Variants in FUT8 observed in about 807,000 individuals in gnomAD.
FUT8 encodes the protein fucosyltransferase 8.
A neutral mutation model predicts 71.3 loss-of-function variants in FUT8; 29 were observed. That is an observed-to-expected ratio of 0.41 (90% CI 0.30 to 0.55). FUT8 has a LOEUF of 0.55. Among genes scored for constraint, FUT8 ranks in the 20% least tolerant of loss-of-function variants. The pLI is 0.34. For missense variants in FUT8, 544 were observed against 702.1 expected (o/e 0.77, Z 2.55); for synonymous variants, 254 against 239.3 (o/e 1.06, Z -0.57).
chr14:65,637,142 T>C (rs923448833), intron 6 of FUT8, among the ~76,000 whole-genome samples: 1 of 152,248 alleles, frequency 6.6e-6, no homozygotes, highest in African/African-American at 2.4e-5. Context: ...CTATTGTTTC[T>C]ATTTCTGTAG....
intron 1 of FUT8, among the ~76,000 whole-genome samples, chr14:65,421,219 A>T (rs538595506): frequency 6.7e-6 from 1 of 149,518 alleles, no homozygotes; most frequent in African/African-American, 2.5e-5. Context: ...AAAAAAAATC[A>T]TAAGGAAGAG....
chr14:65,504,450 A>G (rs2066693759), intron 2 of FUT8, among the ~76,000 whole-genome samples: 1 of 152,182 alleles, frequency 6.6e-6, no homozygotes, highest in Non-Finnish European at 1.5e-5. Flanking sequence ...AACAGCTAAT[A>G]ATTTTAGTGA....
intron 6 of FUT8, among the ~76,000 whole-genome samples, chr14:65,655,861 G>A (rs909268032): frequency 2.0e-5 from 3 of 152,062 alleles, no homozygotes; most frequent in South Asian, 2.1e-4. Flanking sequence ...GACAAAAACC[G>A]TATGATCATT....
At chr14:65,456,444 T>C (rs2065894648) in intron 2 of FUT8, among the ~76,000 whole-genome samples, 1 of 152,240 alleles carries the variant, frequency 6.6e-6, no homozygotes, top group South Asian at 2.1e-4. Flanking sequence ...TTTTTATTGC[T>C]GAGTAGTGTT....
At chr14:65,450,868 ATT>A (rs1232558695) in intron 1 of FUT8, among the ~76,000 whole-genome samples, 6 of 135,724 alleles carry the variant, frequency 4.4e-5, no homozygotes, top group Admixed American at 7.4e-5. Flanking sequence ...CTTCCACCCT[ATT>A]TTTTTTTTTT....
At chr14:65,578,679 A>G (rs1431215929) in intron 3 of FUT8, among the ~76,000 whole-genome samples, 1 of 152,186 alleles carries the variant, frequency 6.6e-6, no homozygotes, top group Non-Finnish European at 1.5e-5. Flanking sequence ...TTTAGATAAC[A>G]TAATGAAATA....
chr14:65,524,510 C>A (rs1022602846), intron 2 of FUT8, among the ~76,000 whole-genome samples: 4 of 152,164 alleles, frequency 2.6e-5, no homozygotes, highest in African/African-American at 7.2e-5. Context: ...ACAATCATGT[C>A]ATCTGCAAAC....
chr14:65,733,460 T>A (rs1896072125), intron 10 of FUT8, 79 bp downstream of exon 10: 6 of 1,042,876 alleles, frequency 5.8e-6, no homozygotes. Context: ...TGTGTGTCTA[T>A]GTGTTGTTAA....
At chr14:65,617,998 T>A (rs1368779547) in intron 5 of FUT8, among the ~76,000 whole-genome samples, 3 of 139,296 alleles carry the variant, frequency 2.2e-5, no homozygotes, top group Admixed American at 7.5e-5. Context: ...CCAGTGTTTT[T>A]AAAAATTAAT....
chr14:65,670,947 C>T (rs1892447317), intron 7 of FUT8, among the ~76,000 whole-genome samples: 1 of 152,066 alleles, frequency 6.6e-6, no homozygotes. Flanking sequence ...TATCTAGAAC[C>T]TAGTTAAGCT....
intron 7 of FUT8, 82 bp from the exon 8 acceptor site, chr14:65,721,693 A>T (rs1895424233): frequency 7.4e-6 from 10 of 1,349,258 alleles, no homozygotes; most frequent in Non-Finnish European, 1.1e-5. Flanking sequence ...TGAGGATGAA[A>T]GCACTCAGAA....
chr14:65,386,618 A>G, the FUT8 span, among the ~76,000 whole-genome samples: 3 of 151,694 alleles, frequency 2.0e-5, no homozygotes, highest in Non-Finnish European at 4.4e-5. Flanking sequence ...CATATGGAAC[A>G]TAGTTATGAT....
At chr14:65,740,704 G>A (rs772211250) in intron 10 of FUT8, among the ~76,000 whole-genome samples, 16 of 152,034 alleles carry the variant, frequency 1.1e-4, no homozygotes, top group Non-Finnish European at 1.9e-4. Flanking sequence ...TAAACAATCA[G>A]ATCTCACGAG....
chr14:65,397,072 A>G, the FUT8 span, among the ~76,000 whole-genome samples: 1 of 152,186 alleles, frequency 6.6e-6, no homozygotes, highest in Non-Finnish European at 1.5e-5. The surrounding 1 kb of genome is among the most constrained non-coding windows in gnomAD (Gnocchi z 4.2). Flanking sequence ...CTCATAGTGG[A>G]TAATTAGGGA....
At position 65,574,580 on chromosome 14, in the gene FUT8, A is replaced by G. The variant is rs544508581; in HGVS notation, c.203+12814A>G. Among the ~76,000 whole-genome samples the G allele has an allele frequency of 1.2e-4, 18 of 152,298 alleles. No individual in the cohort carries two copies. Among genetic ancestry groups the G allele is most frequent in the African/African-American group, 4.3e-4 (18 of 41,558 alleles). ...AAGTGCTAAAACCAGCAAGAGCTCAAAGAGTCTGACTCTAGGTATTATAGA... is the reference window on the plus strand; with the variant it reads ...AAGTGCTAAAACCAGCAAGAGCTCAGAGAGTCTGACTCTAGGTATTATAGA... On this transcript the variant is annotated intron_variant, in intron 3 of 10. Coordinates refer to ENST00000673929, the MANE Select transcript of FUT8 (RefSeq NM_001371533.1). The surrounding 1 kb of genome is among the most constrained non-coding windows in gnomAD (Gnocchi z 5.2).
At chr14:65,492,545 A>G (rs542438305) in intron 2 of FUT8, among the ~76,000 whole-genome samples, 13 of 152,230 alleles carry the variant, frequency 8.5e-5, no homozygotes, top group Admixed American at 7.2e-4. Flanking sequence ...ATCTTCCACC[A>G]TGTGGCTGTG....
chr14:65,594,170 C>T (rs1459562309), intron 3 of FUT8, among the ~76,000 whole-genome samples: 1 of 152,218 alleles, frequency 6.6e-6, no homozygotes, highest in Non-Finnish European at 1.5e-5. Flanking sequence ...TCAGCCTGCC[C>T]CGCTTAACCC....
At chr14:65,654,571 A>G (rs911410735) in intron 6 of FUT8, among the ~76,000 whole-genome samples, 4 of 143,834 alleles carry the variant, frequency 2.8e-5, no homozygotes, top group Non-Finnish European at 4.5e-5. Flanking sequence ...AGCCTGGGCG[A>G]CAGAGCAAGA....
intron 6 of FUT8, among the ~76,000 whole-genome samples, chr14:65,636,830 A>G (rs1452594577): frequency 3.9e-5 from 6 of 152,188 alleles, no homozygotes; most frequent in African/African-American, 1.4e-4. Context: ...TAGTGGGACA[A>G]AGTTCATAGT....
Sources: gnomAD v4.1 joint callset for allele counts (sites outside exome capture counted in the v4.1 genomes callset) on GRCh38, gnomAD v4.1.1 for gene constraint, Gnocchi (gnomAD v3.1) non-coding constraint, MANE v1.5 for transcripts, NCBI Gene and HGNC (gene_info 2026-07-23, HGNC 2026-07-21) for gene names.